KHDRBS2: variants seen among roughly 807,000 people sequenced by gnomAD.
KHDRBS2 encodes KH domain-containing, RNA-binding, signal transduction-associated protein 2.
A neutral mutation model predicts 44.3 loss-of-function variants in KHDRBS2; 26 were observed. The ratio of observed to expected loss-of-function variants is 0.59; its 90% CI spans 0.43 to 0.81. The LOEUF (loss-of-function observed/expected upper bound fraction) is 0.81. Ranked by LOEUF, KHDRBS2 falls within the 40% of genes least tolerant of loss-of-function variation. The pLI, the probability that KHDRBS2 is intolerant of heterozygous loss-of-function variation, is 0.00. For synonymous variants in KHDRBS2, 194 were observed against 151.1 expected (o/e 1.28, Z -2.08); for missense variants, 476 against 433.1 (o/e 1.10, Z -0.88).
chr6:62,076,870 C>T (rs1158611680), intron 2 of KHDRBS2, among the ~76,000 whole-genome samples: 1 of 151,678 alleles, frequency 6.6e-6, no homozygotes, highest in African/African-American at 2.4e-5. Flanking sequence ...CATAGTGAGA[C>T]CTCATCTCTA....
the KHDRBS2 span, among the ~76,000 whole-genome samples, chr6:61,605,972 T>A: frequency 2.6e-5 from 4 of 151,856 alleles, no homozygotes; most frequent in Non-Finnish European, 4.4e-5. Flanking sequence ...ACAAAAGAAG[T>A]GAAAATGGCC....
chr6:62,105,161 C>G (rs917060862), intron 2 of KHDRBS2, among the ~76,000 whole-genome samples: 12 of 151,990 alleles, frequency 7.9e-5, no homozygotes, highest in African/African-American at 2.9e-4. Flanking sequence ...AAAAATAAGT[C>G]AAGATGGCTT....
intron 2 of KHDRBS2, among the ~76,000 whole-genome samples, chr6:62,127,709 T>C (rs1162773382): frequency 2.0e-5 from 3 of 152,124 alleles, no homozygotes; most frequent in Non-Finnish European, 2.9e-5. Flanking sequence ...ACAAATCTAC[T>C]GTCTTCAATT....
intron 6 of KHDRBS2, among the ~76,000 whole-genome samples, chr6:61,869,964 G>GTTTTTTT (rs59518436): frequency 2.0e-4 from 22 of 109,016 alleles, no homozygotes; most frequent in African/African-American, 7.6e-4. Flanking sequence ...CTGCAGGAGT[G>GTTTTTTT]TTTTTTTTTT....
intron 6 of KHDRBS2, among the ~76,000 whole-genome samples, chr6:61,859,110 C>T (rs913172032): frequency 2.6e-5 from 4 of 151,728 alleles, no homozygotes; most frequent in Admixed American, 1.3e-4. Flanking sequence ...TATATAAGTA[C>T]TATTTTAAAA....
At chr6:61,945,538 T>C (rs1383519172) in intron 4 of KHDRBS2, among the ~76,000 whole-genome samples, 1 of 152,002 alleles carries the variant, frequency 6.6e-6, no homozygotes, top group Non-Finnish European at 1.5e-5. Context: ...TTCAAACACA[T>C]GTAGGAATAT....
At chr6:61,692,707 C>G (rs1400980278) in intron 8 of KHDRBS2, among the ~76,000 whole-genome samples, 1 of 152,094 alleles carries the variant, frequency 6.6e-6, no homozygotes, top group Non-Finnish European at 1.5e-5. Flanking sequence ...TATTTCAAAT[C>G]ATTTCTAGAG....
chr6:61,976,185 C>A (rs1007783033), intron 4 of KHDRBS2, among the ~76,000 whole-genome samples: 5 of 152,040 alleles, frequency 3.3e-5, no homozygotes, highest in African/African-American at 9.7e-5. Flanking sequence ...TCCCCTGCAC[C>A]ACTCCTCATG....
chr6:61,869,123 C>T (rs150516102), intron 6 of KHDRBS2, among the ~76,000 whole-genome samples: 1,740 of 152,216 alleles, frequency 0.011, 15 homozygotes, highest in Middle Eastern at 0.027. Context: ...AAGCCCATCA[C>T]CCTGCCCTGC....
chr6:61,786,225 G>A (rs1783789168), intron 6 of KHDRBS2, among the ~76,000 whole-genome samples: 1 of 151,982 alleles, frequency 6.6e-6, no homozygotes, highest in Non-Finnish European at 1.5e-5. Context: ...AAAGGAAAAT[G>A]TAGTGCAAAG....
chr6:61,855,624 CTTTGTTTTGT>C (rs3076295), intron 6 of KHDRBS2, among the ~76,000 whole-genome samples: 157 of 149,774 alleles, frequency 1.0e-3, no homozygotes, highest in Non-Finnish European at 1.6e-3. Context: ...ATGCCTGGTG[CTTTGTTTTGT>C]TTTGTTTTGT....
intron 7 of KHDRBS2, among the ~76,000 whole-genome samples, chr6:61,729,099 A>G (rs1308308261): frequency 6.6e-6 from 1 of 152,128 alleles, no homozygotes; most frequent in Non-Finnish European, 1.5e-5. Context: ...ACTGATAGAC[A>G]GGATAAAGAA....
intron 1 of KHDRBS2, among the ~76,000 whole-genome samples, chr6:62,190,127 A>T (rs1420338177): frequency 1.3e-5 from 2 of 152,154 alleles, no homozygotes; most frequent in Admixed American, 1.3e-4. Flanking sequence ...TGAATGCAAG[A>T]GGAAGAAAAT....
intron 6 of KHDRBS2, among the ~76,000 whole-genome samples, chr6:61,874,622 T>C (rs1799147250): frequency 6.6e-6 from 1 of 152,142 alleles, no homozygotes; most frequent in Non-Finnish European, 1.5e-5. Context: ...GAGCTCAACA[T>C]AGGTAATGAG....
At chr6:61,820,892 G>A (rs1454978468) in intron 6 of KHDRBS2, among the ~76,000 whole-genome samples, 1 of 151,958 alleles carries the variant, frequency 6.6e-6, no homozygotes, top group Non-Finnish European at 1.5e-5. Flanking sequence ...GAGAATCAAT[G>A]TGCTACCTGG....
chr6:61,572,533 A>G, the KHDRBS2 span, among the ~76,000 whole-genome samples: 1 of 152,112 alleles, frequency 6.6e-6, no homozygotes, highest in Non-Finnish European at 1.5e-5. Flanking sequence ...AAAACTACAT[A>G]TCAATATCCC....
intron 1 of KHDRBS2, among the ~76,000 whole-genome samples, chr6:62,194,482 T>G (rs1296120487): frequency 4.7e-4 from 4 of 8,496 alleles, no homozygotes; most frequent in Admixed American, 1.5e-3. Flanking sequence ...TTTTCTTCCT[T>G]TTTTTTTTTT....
chr6:61,857,802 A>G (rs187049384), intron 6 of KHDRBS2, among the ~76,000 whole-genome samples: 1 of 152,000 alleles, frequency 6.6e-6, no homozygotes, highest in Non-Finnish European at 1.5e-5. Flanking sequence ...CCTTGAAATT[A>G]CTGGTATCCA....
chr6:61,579,457 G>C, the KHDRBS2 span, among the ~76,000 whole-genome samples: 1 of 152,098 alleles, frequency 6.6e-6, no homozygotes, highest in Non-Finnish European at 1.5e-5. Flanking sequence ...GTTTTGTTTT[G>C]AGTCTCTATT....
Sources: allele counts gnomAD v4.1 joint callset (sites outside exome capture counted in the v4.1 genomes callset), GRCh38; gene constraint gnomAD v4.1.1; transcripts MANE v1.5; gene names NCBI Gene and HGNC (gene_info 2026-07-23, HGNC 2026-07-21).